Variants in SLCO3A1 observed in about 807,000 individuals in gnomAD.
SLCO3A1 encodes the protein PGE1 transporter.
In SLCO3A1, 27 loss-of-function variants were observed where a neutral mutation model predicts 63.1. The observed-to-expected ratio is 0.43, with a 90% CI of 0.32 to 0.59. The LOEUF (loss-of-function observed/expected upper bound fraction) is 0.59, where lower values mean the gene tolerates loss of function less well. Ranked by LOEUF, SLCO3A1 falls within the 20% of genes least tolerant of loss-of-function variation. The pLI is 0.09. For missense variants in SLCO3A1, 773 were observed against 945.8 expected (o/e 0.82, Z 2.40); for synonymous variants, 473 against 409.9 (o/e 1.15, Z -1.86).
intron 2 of SLCO3A1, among the ~76,000 whole-genome samples, chr15:91,977,523 A>G (rs190141676): frequency 2.0e-5 from 3 of 152,326 alleles, no homozygotes; most frequent in African/African-American, 7.2e-5. Context: ...AAAACCAAAT[A>G]TGTCATGTTC....
At chr15:92,108,848 T>TGCCCCTGTGTACCC (rs1019346931) in intron 4 of SLCO3A1, among the ~76,000 whole-genome samples, 1 of 152,202 alleles carries the variant, frequency 6.6e-6, no homozygotes, top group African/African-American at 2.4e-5. Context: ...TCTGTGTACC[T>TGCCCCTGTGTACCC]GCCCCTGTGT....
chr15:92,154,853 C>G (rs1246140308), intron 9 of SLCO3A1, among the ~76,000 whole-genome samples: 1 of 151,988 alleles, frequency 6.6e-6, no homozygotes, highest in Non-Finnish European at 1.5e-5. Flanking sequence ...GGAGAGAGGA[C>G]AAAGATACAG....
chr15:91,938,377 A>G (rs1027184939), intron 2 of SLCO3A1, among the ~76,000 whole-genome samples: 4 of 152,074 alleles, frequency 2.6e-5, no homozygotes, highest in African/African-American at 9.7e-5. Flanking sequence ...AAAAGTGATG[A>G]GACGAAATGG....
intron 7 of SLCO3A1, among the ~76,000 whole-genome samples, chr15:92,137,945 G>C (rs2048080057): frequency 8.3e-6 from 1 of 120,624 alleles, no homozygotes; most frequent in African/African-American, 4.1e-5. Flanking sequence ...TCTGATGGTA[G>C]TTTCTTTTGC....
chr15:91,920,654 C>G (rs1292999467), intron 2 of SLCO3A1, among the ~76,000 whole-genome samples: 1 of 152,146 alleles, frequency 6.6e-6, no homozygotes, highest in African/African-American at 2.4e-5. Flanking sequence ...GGCGCCATAC[C>G]TTCACATGCC....
At chr15:92,000,597 A>G (rs1306992084) in intron 2 of SLCO3A1, among the ~76,000 whole-genome samples, 2 of 152,202 alleles carry the variant, frequency 1.3e-5, no homozygotes, top group Admixed American at 6.5e-5. Context: ...AATTTGTTAA[A>G]GTTGAGAGTT....
chr15:91,911,689 C>T (rs1898491106), intron 1 of SLCO3A1, among the ~76,000 whole-genome samples: 1 of 151,992 alleles, frequency 6.6e-6, no homozygotes, highest in African/African-American at 2.4e-5. Flanking sequence ...TGCAGTGGCG[C>T]AGTCTTGGCT....
chr15:92,163,872 C>T lies in SLCO3A1; in HGVS notation c.*737C>T, dbSNP rs2048470881. The T allele has an allele frequency of 7.1e-6, 7 of 985,606 alleles. No homozygotes were observed. Among genetic ancestry groups the T allele is most frequent in the African/African-American group, 1.7e-5 (1 of 57,254 alleles). 61.1% of individuals were successfully genotyped at this position (985,606 alleles called of 1,614,324 possible). A position where few individuals can be genotyped will look rare whatever the true frequency, so the allele number is the denominator to read the frequency against. On this transcript the variant is annotated 3_prime_UTR_variant, in exon 10 of 10. Coordinates refer to ENST00000318445, the MANE Select transcript of SLCO3A1 (RefSeq NM_013272.4). The stretch of plus-strand genomic sequence containing the variant: ...CCTGAGGGGGAGCCAGGTGGGGGGC[C>T]AGCACCTCCCAGTGGCGGGCATCCA...
At chr15:92,080,674 G>A (rs749431020) in intron 2 of SLCO3A1, among the ~76,000 whole-genome samples, 4 of 152,128 alleles carry the variant, frequency 2.6e-5, no homozygotes, top group South Asian at 2.1e-4. Flanking sequence ...GAGGCCACAC[G>A]GGGTACACCA....
chr15:92,145,817 A>T (rs562968115), intron 7 of SLCO3A1, among the ~76,000 whole-genome samples: 73 of 152,294 alleles, frequency 4.8e-4, no homozygotes, highest in Non-Finnish European at 8.4e-4. Context: ...GCCCCAGCGT[A>T]CGTCTGCCCC....
chr15:92,099,927 G>C (rs746583979), intron 3 of SLCO3A1, among the ~76,000 whole-genome samples: 2 of 151,970 alleles, frequency 1.3e-5, no homozygotes, highest in Admixed American at 1.3e-4. Flanking sequence ...TTAGCCGGGC[G>C]TGTTGGTAGG....
At chr15:91,887,405 C>T (rs1229831894) in intron 1 of SLCO3A1, among the ~76,000 whole-genome samples, 1 of 152,162 alleles carries the variant, frequency 6.6e-6, no homozygotes, top group Non-Finnish European at 1.5e-5. Context: ...GCTTGCCTGC[C>T]TGCCTGCATG....
chr15:91,893,807 T>C (rs1897935099), intron 1 of SLCO3A1, among the ~76,000 whole-genome samples: 1 of 152,238 alleles, frequency 6.6e-6, no homozygotes, highest in Non-Finnish European at 1.5e-5. Flanking sequence ...AAATGTTTGT[T>C]AAGTTCCTGT....
intron 2 of SLCO3A1, among the ~76,000 whole-genome samples, chr15:91,928,760 A>G (rs543467345): frequency 3.7e-4 from 57 of 152,336 alleles, no homozygotes; most frequent in Non-Finnish European, 6.5e-4. Flanking sequence ...CTCATCAGAT[A>G]AAGCATTGCT....
chr15:92,099,471 G>A (rs2047578452), intron 3 of SLCO3A1, among the ~76,000 whole-genome samples: 1 of 151,916 alleles, frequency 6.6e-6, no homozygotes, highest in African/African-American at 2.4e-5. Context: ...AGTCCATATG[G>A]CACAGGAAAA....
intron 7 of SLCO3A1, among the ~76,000 whole-genome samples, chr15:92,141,355 C>A (rs1397409100): frequency 6.6e-6 from 1 of 152,128 alleles, no homozygotes; most frequent in African/African-American, 2.4e-5. Context: ...TTAGGGACAG[C>A]CAGAGAAAGC....
At chr15:91,905,038 A>G (rs942318660) in intron 1 of SLCO3A1, among the ~76,000 whole-genome samples, 3 of 152,228 alleles carry the variant, frequency 2.0e-5, no homozygotes, top group Admixed American at 6.5e-5. Context: ...AGAGAAAAAG[A>G]AATGAGATGC....
chr15:91,882,299 G>T lies in SLCO3A1; in HGVS notation c.180+28211G>T, dbSNP rs2151346736. ...GGATGTGCATTTGCTGAGTGGAATT[G>T]TGGACAAACCATTCACACTCCTTAA... is the stretch of plus-strand genomic sequence containing the variant. On this transcript the variant is annotated intron_variant, in intron 1 of 9. Transcript: ENST00000318445. The surrounding 1 kb of genome is among the most constrained non-coding windows in gnomAD (Gnocchi z 4.4). Among the ~76,000 whole-genome samples the T allele has an allele frequency of 6.6e-6, 1 of 152,288 alleles. No homozygotes were observed. The highest frequency in any genetic ancestry group is 1.5e-5 in the Non-Finnish European group (1 of 68,016).
intron 7 of SLCO3A1, among the ~76,000 whole-genome samples, chr15:92,132,177 C>T (rs563488924): frequency 4.8e-5 from 7 of 145,686 alleles, no homozygotes; most frequent in South Asian, 2.2e-4. Flanking sequence ...GATCCTTGCT[C>T]GCCACTCACC....
Sources: gnomAD v4.1 joint callset for allele counts (sites outside exome capture counted in the v4.1 genomes callset) on GRCh38, gnomAD v4.1.1 for gene constraint, Gnocchi (gnomAD v3.1) non-coding constraint, MANE v1.5 for transcripts, NCBI Gene and HGNC (gene_info 2026-07-23, HGNC 2026-07-21) for gene names.